Variants in TPST1 observed in about 807,000 individuals in gnomAD.
TPST1 encodes tyrosylprotein sulfotransferase 1.
In TPST1, 20 loss-of-function variants were observed where a neutral mutation model predicts 34.8. The observed-to-expected ratio is 0.57, with a 90% CI of 0.40 to 0.84. The LOEUF (loss-of-function observed/expected upper bound fraction) is 0.84, where lower values mean the gene tolerates loss of function less well. Ranked by LOEUF, TPST1 falls within the 40% of genes least tolerant of loss-of-function variation. The pLI, the probability that TPST1 is intolerant of heterozygous loss-of-function variation, is 0.00. For synonymous variants in TPST1, 152 were observed against 159.4 expected (o/e 0.95, Z 0.35); for missense variants, 353 against 455.5 (o/e 0.78, Z 2.05).
intron 1 of TPST1, among the ~76,000 whole-genome samples, chr7:66,214,416 A>G (rs1230827043): frequency 1.3e-5 from 2 of 151,148 alleles, no homozygotes; most frequent in South Asian, 2.1e-4. Context: ...ATAAATATAA[A>G]TTATATTTAT....
chr7:66,284,495 A>G lies in TPST1; in HGVS notation c.846-2016A>G, dbSNP rs531959469. On this transcript the variant is annotated intron_variant, in intron 2 of 5. Coordinates refer to ENST00000304842, the MANE Select transcript of TPST1 (RefSeq NM_003596.4). The stretch of plus-strand genomic sequence containing the variant: ...CCTTCAAGTCAAATATTAATTAATC[A>G]TAGACTCCTTTCTCTTTTTCTTCAC... Among the ~76,000 whole-genome samples, 310 of 151,492 alleles carry G rather than the reference A, an allele frequency of 2.0e-3. 3 individuals are homozygous for G. The highest frequency in any genetic ancestry group is 5.2e-3 in the South Asian group (25 of 4,812).
At chr7:66,203,304 A>G (rs1789053203), upstream of TPST1, among the ~76,000 whole-genome samples, 2 of 151,706 alleles carry the variant, frequency 1.3e-5, no homozygotes, top group Non-Finnish European at 2.9e-5. Context: ...CAGTGGTGCC[A>G]TCATGGCTCA....
chr7:66,199,294 C>CTTTTTTTTT, the TPST1 span, among the ~76,000 whole-genome samples: 3 of 125,880 alleles, frequency 2.4e-5, no homozygotes, highest in African/African-American at 6.1e-5. Flanking sequence ...TCATCTCCTT[C>CTTTTTTTTT]TTTTTTTTTT....
chr7:66,220,624 G>A (rs934409118), intron 1 of TPST1, among the ~76,000 whole-genome samples: 5 of 147,648 alleles, frequency 3.4e-5, no homozygotes, highest in Non-Finnish European at 7.5e-5. Context: ...GCTCAAACAA[G>A]GAAGGGATGC....
At chr7:66,215,890 G>T (rs7783727) in intron 1 of TPST1, among the ~76,000 whole-genome samples, 1 of 149,316 alleles carries the variant, frequency 6.7e-6, no homozygotes, top group Non-Finnish European at 1.5e-5. Flanking sequence ...CTCCTGCCTC[G>T]GCCTCCCAAG....
intron 1 of TPST1, among the ~76,000 whole-genome samples, chr7:66,236,565 A>G (rs142251343): frequency 4.6e-4 from 70 of 152,230 alleles, no homozygotes; most frequent in Non-Finnish European, 8.8e-4. Flanking sequence ...AACGGAACCA[A>G]TGTACTTCTT....
chr7:66,209,557 T>C (rs1789201656), intron 1 of TPST1, among the ~76,000 whole-genome samples: 1 of 152,222 alleles, frequency 6.6e-6, no homozygotes, highest in Admixed American at 6.5e-5. Flanking sequence ...TACCTGAACA[T>C]GCCTAAATGG....
chr7:66,326,917 T>C (rs546856545), intron 3 of TPST1, among the ~76,000 whole-genome samples: 197 of 152,350 alleles, frequency 1.3e-3, no homozygotes, highest in African/African-American at 4.6e-3. Flanking sequence ...TGTTGAACTT[T>C]CCTAGAACTG....
intron 1 of TPST1, among the ~76,000 whole-genome samples, chr7:66,217,689 A>G (rs1789453510): frequency 6.7e-6 from 1 of 150,310 alleles, no homozygotes; most frequent in South Asian, 2.1e-4. Flanking sequence ...GGTTCAAGCA[A>G]TTCTCCTGTC....
chr7:66,325,390 T>C (rs1167803075), intron 3 of TPST1, among the ~76,000 whole-genome samples: 1 of 152,182 alleles, frequency 6.6e-6, no homozygotes, highest in Non-Finnish European at 1.5e-5. Flanking sequence ...TCTTTTTTTT[T>C]CATGCCTGGA....
intron 1 of TPST1, among the ~76,000 whole-genome samples, chr7:66,228,687 G>A (rs1011369676): frequency 6.2e-4 from 94 of 152,266 alleles, no homozygotes; most frequent in African/African-American, 2.3e-3. Flanking sequence ...TTATTTAAGT[G>A]TTCATAAGAT....
chr7:66,335,044 G>T (rs1161772476), intron 3 of TPST1, among the ~76,000 whole-genome samples: 1 of 152,170 alleles, frequency 6.6e-6, no homozygotes, highest in Non-Finnish European at 1.5e-5. Flanking sequence ...CTATTGACAA[G>T]GATGGCCAGT....
Position 66,210,989 on chromosome 7 carries a change from G to A in TPST1, c.-102+5467G>A, listed in dbSNP as rs534688175. ...CTGTCTGTCTGCCACACACACGCGC[G>A]CGCACACACACACACACACCAGGAT... On this transcript the variant is annotated intron_variant, in intron 1 of 5. Coordinates refer to ENST00000304842, the MANE Select transcript of TPST1 (RefSeq NM_003596.4). 5.1e-3 allele frequency among the ~76,000 whole-genome samples: 778 copies of A among 151,866 alleles called. 3 individuals are homozygous for A. Among genetic ancestry groups the A allele is most frequent in the Non-Finnish European group, 7.8e-3 (533 of 67,922 alleles).
At chr7:66,229,115 G>C (rs1789724012) in intron 1 of TPST1, among the ~76,000 whole-genome samples, 1 of 94,174 alleles carries the variant, frequency 1.1e-5, no homozygotes, top group Admixed American at 1.0e-4. Flanking sequence ...TTTTGAGACT[G>C]GCTTTTTTTT....
At chr7:66,221,612 G>GT (rs915281608) in intron 1 of TPST1, 1 of 152,236 alleles carries the variant, frequency 6.6e-6, no homozygotes, top group African/African-American at 2.4e-5. Flanking sequence ...TCATTACAGT[G>GT]TAAGTGAGAG....
chr7:66,333,658 T>C (rs988650529), intron 3 of TPST1, among the ~76,000 whole-genome samples: 3 of 152,234 alleles, frequency 2.0e-5, no homozygotes, highest in Admixed American at 2.0e-4. Context: ...TTTTTTCCCT[T>C]GCACAACATA....
At chr7:66,248,328 CCTT>C (rs1790193016) in intron 2 of TPST1, among the ~76,000 whole-genome samples, 1 of 151,898 alleles carries the variant, frequency 6.6e-6, no homozygotes, top group South Asian at 2.1e-4. Context: ...AAGTGGCCCT[CCTT>C]TAGGCAGCAT....
intron 3 of TPST1, among the ~76,000 whole-genome samples, chr7:66,343,887 C>T (rs1379806953): frequency 3.9e-5 from 6 of 152,000 alleles, no homozygotes; most frequent in Non-Finnish European, 8.8e-5. Context: ...GAACAACATG[C>T]AAGAAAGGTG....
At chr7:66,325,461 C>G (rs1791844865) in intron 3 of TPST1, among the ~76,000 whole-genome samples, 1 of 151,804 alleles carries the variant, frequency 6.6e-6, no homozygotes, top group Non-Finnish European at 1.5e-5. Flanking sequence ...GAATACTATA[C>G]AATGGTTTTT....
Sources: gnomAD v4.1 joint callset for allele counts (sites outside exome capture counted in the v4.1 genomes callset) on GRCh38, gnomAD v4.1.1 for gene constraint, MANE v1.5 for transcripts, NCBI Gene and HGNC (gene_info 2026-07-23, HGNC 2026-07-21) for gene names.